The following KIF5C variants were observed in gnomAD, a reference collection of about 807,000 sequenced individuals.
KIF5C encodes the protein kinesin heavy chain isoform 5C.
Under a neutral mutation model 125.2 loss-of-function variants are expected in KIF5C, and 18 were observed. The ratio of observed to expected loss-of-function variants is 0.14; its 90% CI spans 0.10 to 0.21. The LOEUF (loss-of-function observed/expected upper bound fraction) is 0.21. Among genes scored for constraint, KIF5C ranks in the 10% least tolerant of loss-of-function variants. The pLI is 1.00. For synonymous variants in KIF5C, 405 were observed against 434.0 expected (o/e 0.93, Z 0.83); for missense variants, 780 against 1,183.8 (o/e 0.66, Z 5.01).
At chr2:148,887,860 C>T (rs1489741099) in intron 1 of KIF5C, among the ~76,000 whole-genome samples, 1 of 152,000 alleles carries the variant, frequency 6.6e-6, no homozygotes, top group Non-Finnish European at 1.5e-5. Flanking sequence ...TGCACTTCTC[C>T]GTAGCTGCTT....
chr2:149,016,853 C>A (rs1428763061), intron 25 of KIF5C, among the ~76,000 whole-genome samples: 1 of 152,010 alleles, frequency 6.6e-6, no homozygotes, highest in Non-Finnish European at 1.5e-5. Flanking sequence ...GAGAGGGGAG[C>A]TGAGGGGCGA....
chr2:148,998,320 A>G (rs2105182834), intron 18 of KIF5C, 80 bp from the exon 19 acceptor site: 7 of 1,537,370 alleles, frequency 4.6e-6, no homozygotes, highest in Non-Finnish European at 5.3e-6. Flanking sequence ...GGAAGGAGGT[A>G]GGTCCAGATC....
chr2:148,939,843 A>G (rs111874827), intron 4 of KIF5C, among the ~76,000 whole-genome samples: 3,131 of 152,330 alleles, frequency 0.021, 96 homozygotes, highest in African/African-American at 0.065. Context: ...CTATTTCTTA[A>G]TGCCAAACAA....
At chr2:148,947,367 C>T in intron 8 of KIF5C, 1 of 218,994 alleles carries the variant, frequency 4.6e-6, no homozygotes, top group Admixed American at 5.3e-5. Flanking sequence ...AGAGAAAATC[C>T]CATGTTGTAC....
chr2:148,907,069 G>A (rs1681139578), intron 1 of KIF5C, among the ~76,000 whole-genome samples: 1 of 152,078 alleles, frequency 6.6e-6, no homozygotes, highest in South Asian at 2.1e-4. Context: ...TCTAAAAACA[G>A]AAAAGAAAGA....
chr2:148,875,589 C>CCA lies in KIF5C; in HGVS notation c.-28_-27insAC. ...TCCCGGCCCCGGCCCCCCACCCATC[C>CCA]CCGTGCCCCCTCCCTACCGCCGGCC... On this transcript the variant is annotated 5_prime_UTR_variant, in exon 1 of 26. Transcript: ENST00000435030. The CCA allele has an allele frequency of 7.9e-7, 1 of 1,258,242 alleles. No homozygotes were observed. Among genetic ancestry groups the CCA allele is most frequent in the Non-Finnish European group, 1.1e-6 (1 of 888,156 alleles). 77.9% of individuals were successfully genotyped at this position (1,258,242 alleles called of 1,614,324 possible). A position where few individuals can be genotyped will look rare whatever the true frequency, so the allele number is the denominator to read the frequency against.
At chr2:148,998,195 C>A (rs551107547) in intron 18 of KIF5C, 3 of 805,628 alleles carry the variant, frequency 3.7e-6, no homozygotes, top group East Asian at 5.6e-5. Context: ...CTAGGGCCAA[C>A]TTGGTTTGAT....
chr2:148,994,757 C>T lies in KIF5C; in HGVS notation c.2023+219C>T, dbSNP rs6434629. On this transcript the variant is annotated intron_variant, in intron 17 of 25. Transcript: ENST00000435030. The stretch of plus-strand genomic sequence containing the variant: ...TCGCTCTGTTGCCCAGGCTGAAGTG[C>T]GGTGGCATAATCTCAGTTCACTGCA... Among the ~76,000 whole-genome samples the T allele has an allele frequency of 0.016, 2,398 of 151,274 alleles. 61 individuals are homozygous for T. The highest frequency in any genetic ancestry group is 0.055 in the African/African-American group (2,274 of 41,110).
At position 149,025,672 on chromosome 2, in the gene KIF5C, C is replaced by T. The variant is rs1482413740; in HGVS notation, c.*2602C>T. On this transcript the variant is annotated 3_prime_UTR_variant, in exon 26 of 26. Coordinates refer to ENST00000435030, the MANE Select transcript of KIF5C (RefSeq NM_004522.3). ...TCTTGAAAGTTTACTCTTTGATGCT[C>T]TAAGAGAACAGCCAGATGGTTTATA... is the stretch of plus-strand genomic sequence containing the variant. The T allele has an allele frequency of 1.3e-5, 2 of 152,142 alleles. No individual in the cohort carries two copies. Among genetic ancestry groups the T allele is most frequent in the African/African-American group, 4.8e-5 (2 of 41,424 alleles). 9.4% of individuals were successfully genotyped at this position (152,142 alleles called of 1,614,324 possible).
intron 11 of KIF5C, among the ~76,000 whole-genome samples, chr2:148,966,421 T>TTTTGTATTTTCA (rs1312381857): frequency 6.6e-6 from 1 of 151,604 alleles, no homozygotes; most frequent in Non-Finnish European, 1.5e-5. Context: ...GAAGTAACAA[T>TTTTGTATTTTCA]ACAAAGGAGT....
intron 1 of KIF5C, among the ~76,000 whole-genome samples, chr2:148,892,634 C>T (rs983082111): frequency 2.0e-5 from 3 of 152,184 alleles, no homozygotes; most frequent in Non-Finnish European, 4.4e-5. Flanking sequence ...CCATTCCTCT[C>T]AGGGTGTGGT....
At chr2:148,899,394 T>G (rs539009968) in intron 1 of KIF5C, among the ~76,000 whole-genome samples, 52 of 152,280 alleles carry the variant, frequency 3.4e-4, no homozygotes, top group African/African-American at 1.3e-3. Flanking sequence ...TAGATGTGCT[T>G]ATGCTTGGCA....
chr2:148,934,554 TACACACAC>T (rs146996473), intron 3 of KIF5C, among the ~76,000 whole-genome samples: 1 of 143,164 alleles, frequency 7.0e-6, no homozygotes, highest in African/African-American at 2.6e-5. Flanking sequence ...CACACACGCA[TACACACAC>T]ACACACACAC....
intron 1 of KIF5C, among the ~76,000 whole-genome samples, chr2:148,912,278 C>T (rs1264266458): frequency 6.6e-6 from 1 of 152,148 alleles, no homozygotes; most frequent in East Asian, 1.9e-4. Context: ...TCTTCCAATA[C>T]CTAAGCGTTG....
chr2:148,976,245 T>TTTTATTTATTTA (rs145613004), intron 12 of KIF5C, among the ~76,000 whole-genome samples: 14,036 of 143,818 alleles, frequency 0.098, 773 homozygotes, highest in South Asian at 0.14. Context: ...TATTATTTTG[T>TTTTATTTATTTA]TTTATTTATT....
At chr2:148,880,825 A>T (rs1167594512) in intron 1 of KIF5C, among the ~76,000 whole-genome samples, 2 of 152,146 alleles carry the variant, frequency 1.3e-5, no homozygotes, top group East Asian at 3.8e-4. Flanking sequence ...AGAGAGCTGT[A>T]ATCTGGCGTG....
At chr2:148,880,386 GC>G (rs1301669491) in intron 1 of KIF5C, among the ~76,000 whole-genome samples, 1 of 152,232 alleles carries the variant, frequency 6.6e-6, no homozygotes, top group Admixed American at 6.5e-5. Context: ...CTCCCAAAGT[GC>G]TGGGATTATA....
intron 12 of KIF5C, among the ~76,000 whole-genome samples, chr2:148,974,136 G>C (rs1237426874): frequency 2.0e-5 from 3 of 152,218 alleles, no homozygotes; most frequent in African/African-American, 7.2e-5. Context: ...AGGAAAAGAG[G>C]CCTTGGAGAA....
chr2:148,970,577 C>G (rs1680874028), intron 11 of KIF5C, among the ~76,000 whole-genome samples: 1 of 152,130 alleles, frequency 6.6e-6, no homozygotes, highest in African/African-American at 2.4e-5. Context: ...TGAGAGAGTC[C>G]CTTGACTACT....
Sources: gnomAD v4.1 joint callset for allele counts (sites outside exome capture counted in the v4.1 genomes callset) on GRCh38, gnomAD v4.1.1 for gene constraint, MANE v1.5 for transcripts, NCBI Gene and HGNC (gene_info 2026-07-23, HGNC 2026-07-21) for gene names.